The following ALG12 variants were observed in gnomAD, a reference collection of about 807,000 sequenced individuals.
The protein encoded by ALG12 is dol-P-Man:Man(7)GlcNAc(2)-PP-Dol alpha-1,6-mannosyltransferase.
In ALG12, 36 loss-of-function variants were observed where a neutral mutation model predicts 46.0. That is an observed-to-expected ratio of 0.78 (90% CI 0.60 to 1.03). ALG12 has a LOEUF of 1.03. Ranked by LOEUF, ALG12 falls within the 50% of genes least tolerant of loss-of-function variation. ALG12 has a pLI of 0.00. For missense variants in ALG12, 599 were observed against 633.5 expected (o/e 0.95, Z 0.58); for synonymous variants, 326 against 291.6 (o/e 1.12, Z -1.20).
At chr22:49,876,943 G>A in the ALG12 span, among the ~76,000 whole-genome samples, 3 of 152,278 alleles carry the variant, frequency 2.0e-5, no homozygotes, top group Middle Eastern at 3.4e-3. Flanking sequence ...TGATGAATCC[G>A]ATTTTTCCAA....
the ALG12 span, among the ~76,000 whole-genome samples, chr22:49,865,602 G>A: frequency 8.6e-3 from 1,315 of 152,264 alleles, 9 homozygotes; most frequent in Middle Eastern, 0.017. Flanking sequence ...TTAAACCCGG[G>A]AGGCAGAGGG....
chr22:49,871,678 A>C, the ALG12 span, among the ~76,000 whole-genome samples: 1 of 151,880 alleles, frequency 6.6e-6, no homozygotes, highest in East Asian at 1.9e-4. Flanking sequence ...CTGCTGACCA[A>C]TCAGAGTGCA....
intron 5 of ALG12, 48 bp from the exon 6 acceptor site, chr22:49,909,395 A>T (rs1045169775): frequency 1.9e-6 from 3 of 1,544,364 alleles, no homozygotes; most frequent in African/African-American, 2.7e-5. Flanking sequence ...AGCCATCAGT[A>T]AACATCCCGC....
rs1057220453 is a variant in ALG12 at position 49,900,885 on chromosome 22, C to G, written c.*2953G>C. 1.3e-5 allele frequency: 2 copies of G among 152,356 alleles called. No individual in the cohort carries two copies. Among genetic ancestry groups the G allele is most frequent in the African/African-American group, 4.8e-5 (2 of 41,476 alleles). 9.4% of individuals were successfully genotyped at this position (152,356 alleles called of 1,614,324 possible). On this transcript the variant is annotated 3_prime_UTR_variant, in exon 10 of 10. Transcript: ENST00000330817. ...AGAAAGGGCCTAAAGCTCAGGCACC[C>G]CGTGGCATCGAGCACACCTCGTGTC...
At position 49,906,129 on chromosome 22, in the gene ALG12, G is replaced by A. The variant is rs187026694; in HGVS notation, c.992+1592C>T. On this transcript the variant is annotated intron_variant, in intron 7 of 9. Transcript: ENST00000330817. The surrounding 1 kb of genome is among the most constrained non-coding windows in gnomAD (Gnocchi z 4.4). Reference sequence around the variant, plus strand: ...AGTTTGTCCTCCTCCGGATAAGGCCGACTGGCACAGCAGGGGCCCTTGCAT... The same window carrying A: ...AGTTTGTCCTCCTCCGGATAAGGCCAACTGGCACAGCAGGGGCCCTTGCAT... Among the ~76,000 whole-genome samples the A allele has an allele frequency of 1.4e-3, 206 of 152,256 alleles. No individual in the cohort carries two copies. Among genetic ancestry groups the A allele is most frequent in the African/African-American group, 4.5e-3 (185 of 41,548 alleles).
intron 1 of ALG12, among the ~76,000 whole-genome samples, chr22:49,914,312 C>A (rs1176160348): frequency 6.6e-6 from 1 of 152,240 alleles, no homozygotes; most frequent in Admixed American, 6.5e-5. Context: ...GGGCAAGAAA[C>A]TGAACGTAGT....
chr22:49,881,835 GTTAA>G, the ALG12 span, among the ~76,000 whole-genome samples: 1 of 152,080 alleles, frequency 6.6e-6, no homozygotes, highest in Non-Finnish European at 1.5e-5. Context: ...CCTGGCCTGT[GTTAA>G]TTTTTTATTT....
chr22:49,893,567 C>T, the ALG12 span, among the ~76,000 whole-genome samples: 1 of 151,994 alleles, frequency 6.6e-6, no homozygotes, highest in Non-Finnish European at 1.5e-5. Context: ...GAAGATTCCT[C>T]AAAAGTGAGG....
chr22:49,907,070 G>C (rs1055953665), intron 7 of ALG12, among the ~76,000 whole-genome samples: 1 of 151,986 alleles, frequency 6.6e-6, no homozygotes, highest in Admixed American at 6.6e-5. Context: ...TTGAGCCTGG[G>C]CCACGCTGGG....
At chr22:49,876,354 C>T in the ALG12 span, among the ~76,000 whole-genome samples, 1 of 152,090 alleles carries the variant, frequency 6.6e-6, no homozygotes, top group African/African-American at 2.4e-5. Context: ...CTGTTGGTTA[C>T]TTATTGAATA....
intron 5 of ALG12, 150 bp downstream of exon 5, chr22:49,909,744 C>A: frequency 1.8e-6 from 2 of 1,129,724 alleles, no homozygotes; most frequent in South Asian, 2.8e-5. Flanking sequence ...GATCCCCGGG[C>A]AGGGGGCTTA....
At chr22:49,895,096 A>G in the ALG12 span, among the ~76,000 whole-genome samples, 1 of 152,172 alleles carries the variant, frequency 6.6e-6, no homozygotes, top group African/African-American at 2.4e-5. Context: ...TGCTGTACAC[A>G]TTGCTTTACA....
intron 6 of ALG12, among the ~76,000 whole-genome samples, chr22:49,908,567 G>A (rs973725338): frequency 1.4e-5 from 2 of 143,920 alleles, no homozygotes; most frequent in East Asian, 2.0e-4. Flanking sequence ...AAAAACAGAC[G>A]GTCACGGGTG....
At chr22:49,910,647 G>A in intron 3 of ALG12, 40 bp from the exon 4 acceptor site, 1 of 1,613,364 alleles carries the variant, frequency 6.2e-7, no homozygotes, top group Non-Finnish European at 8.5e-7. Context: ...CTGCAGTGGA[G>A]GAGTATCCAG....
the ALG12 span, chr22:49,886,612 T>G: frequency 1.9e-6 from 3 of 1,573,798 alleles, no homozygotes; most frequent in South Asian, 2.4e-5. This position sits in a 1 kb window ranked among gnomAD's most constrained non-coding sequence, Gnocchi z 7.7. Context: ...CATGCTGCGC[T>G]CTCTGAAGGA....
At chr22:49,877,175 C>T in the ALG12 span, among the ~76,000 whole-genome samples, 3 of 151,000 alleles carry the variant, frequency 2.0e-5, no homozygotes, top group African/African-American at 7.3e-5. Flanking sequence ...ATGTTTAAAG[C>T]GTGTTTCTTG....
the ALG12 span, among the ~76,000 whole-genome samples, chr22:49,877,231 C>A: frequency 6.8e-6 from 1 of 146,356 alleles, no homozygotes; most frequent in African/African-American, 2.5e-5. Context: ...TTCTGACAAT[C>A]CCTGTCTGTC....
the ALG12 span, among the ~76,000 whole-genome samples, chr22:49,873,612 T>C: frequency 1.3e-5 from 2 of 150,404 alleles, no homozygotes; most frequent in Admixed American, 6.6e-5. Context: ...ACGTGCTTGA[T>C]GCAGGATTGC....
At chr22:49,909,855 C>G (rs776803398) in intron 5 of ALG12, 39 bp downstream of exon 5, 1 of 1,613,448 alleles carries the variant, frequency 6.2e-7, no homozygotes, top group Non-Finnish European at 8.5e-7. Context: ...CAAGGCAAAA[C>G]AAAATCCAGT....
Sources: allele counts gnomAD v4.1 joint callset (sites outside exome capture counted in the v4.1 genomes callset), GRCh38; gene constraint gnomAD v4.1.1; non-coding constraint Gnocchi (gnomAD v3.1); transcripts MANE v1.5; gene names NCBI Gene and HGNC (gene_info 2026-07-23, HGNC 2026-07-21).